Variants in ANK2 observed in about 807,000 individuals in gnomAD.
The protein encoded by ANK2 is ankyrin-2.
In ANK2, 83 loss-of-function variants were observed where a neutral mutation model predicts 360.5. The observed-to-expected ratio is 0.23, with a 90% CI of 0.19 to 0.28. ANK2 has a LOEUF of 0.28. Ranked by LOEUF, ANK2 falls within the 10% of genes least tolerant of loss-of-function variation. ANK2 has a pLI of 1.00. For synonymous variants in ANK2, 1,740 were observed against 1,759.5 expected, an observed-to-expected ratio of 0.99 and a Z score of 0.28; for missense variants, 4,201 against 4,795.7, an observed-to-expected ratio of 0.88 and a Z score of 3.66.
At chr4:113,154,052 G>GGTTAATTCAA (rs1157385026) in intron 1 of ANK2, among the ~76,000 whole-genome samples, 1 of 152,148 alleles carries the variant, frequency 6.6e-6, no homozygotes, top group African/African-American at 2.4e-5. Flanking sequence ...TTAATTCAAT[G>GGTTAATTCAA]TATTGCCAAA....
At chr4:112,809,975 A>G in the ANK2 span, among the ~76,000 whole-genome samples, 1 of 151,738 alleles carries the variant, frequency 6.6e-6, no homozygotes, top group Admixed American at 6.6e-5. Flanking sequence ...AGTATAACAA[A>G]TACCTGTATA....
At chr4:112,798,530 C>G in the ANK2 span, 1 of 152,296 alleles carries the variant, frequency 6.6e-6, no homozygotes, top group Non-Finnish European at 1.5e-5. Context: ...AGGTGATCCT[C>G]CCGCCTCGGC....
chr4:112,826,477 C>A, intron 1 of ANK2: 3 of 1,121,670 alleles, frequency 2.7e-6, no homozygotes, highest in Non-Finnish European at 4.0e-6. Context: ...TCTGTGAAAC[C>A]TTTTGTTACA....
chr4:113,000,627 A>C lies in ANK2; in HGVS notation c.21+96113A>C, dbSNP rs192650006. Among the ~76,000 whole-genome samples, 7 of 152,320 alleles carry C rather than the reference A, an allele frequency of 4.6e-5. No individual in the cohort carries two copies. In the East Asian group the frequency reaches 1.4e-3, roughly 29 times the overall value. On this transcript the variant is annotated intron_variant, in intron 2 of 30. Transcript: ENST00000503271. ...CAGTGACATAGAATGATATGAAAAA[A>C]ATTATGAGTTTAGAAAAGTTGAACA...
chr4:113,374,387 G>A (rs545342851), intron 45 of ANK2, among the ~76,000 whole-genome samples: 1 of 152,240 alleles, frequency 6.6e-6, no homozygotes, highest in South Asian at 2.1e-4. Context: ...GTTTCTCATA[G>A]CTTTTAGAGC....
intron 17 of ANK2, among the ~76,000 whole-genome samples, chr4:113,278,922 C>T (rs2061241917): frequency 6.6e-6 from 1 of 151,932 alleles, no homozygotes; most frequent in Admixed American, 6.6e-5. Context: ...TGAAAATGTC[C>T]TTTTATACTC....
At chr4:112,742,977 C>G in the ANK2 span, among the ~76,000 whole-genome samples, 1 of 152,150 alleles carries the variant, frequency 6.6e-6, no homozygotes, top group African/African-American at 2.4e-5. Flanking sequence ...CTTCTGAGAT[C>G]CGTCAGGACT....
At chr4:113,341,279 G>GA (rs2094270773) in intron 32 of ANK2, among the ~76,000 whole-genome samples, 2 of 152,088 alleles carry the variant, frequency 1.3e-5, no homozygotes, top group Admixed American at 6.5e-5. Context: ...AGGGAGGGGG[G>GA]ATCAAGGAAA....
chr4:113,341,926 C>CA lies in ANK2; in HGVS notation c.4122+15dup, dbSNP rs748448766. 4.1e-5 allele frequency: 64 copies of CA among 1,574,156 alleles called. No homozygotes were observed. The highest frequency in any genetic ancestry group is 5.2e-5 in the Non-Finnish European group (60 of 1,147,738). On this transcript the variant is annotated intron_variant, in intron 33 of 45. Coordinates refer to ENST00000357077, the MANE Select transcript of ANK2 (RefSeq NM_001148.6). ...AAGCAGGGATGTGGAGGTACTGTAC[C>CA]AAAAATAATAATAATAATTTATGCC...
intron 15 of ANK2, among the ~76,000 whole-genome samples, 172 bp downstream of exon 15, chr4:113,274,821 C>A (rs963106849): frequency 6.6e-6 from 1 of 152,046 alleles, no homozygotes; most frequent in Non-Finnish European, 1.5e-5. Flanking sequence ...TGTGAGATTC[C>A]GTATATCTTC....
chr4:113,201,610 G>T (rs1328323203), intron 4 of ANK2, among the ~76,000 whole-genome samples: 1 of 152,146 alleles, frequency 6.6e-6, no homozygotes, highest in African/African-American at 2.4e-5. Flanking sequence ...ATACATTGGT[G>T]CTGTTAAAAT....
intron 4 of ANK2, among the ~76,000 whole-genome samples, chr4:113,218,539 G>T (rs1302419817): frequency 6.6e-6 from 1 of 151,754 alleles, no homozygotes; most frequent in Non-Finnish European, 1.5e-5. Flanking sequence ...TATATCTCAG[G>T]CGATAAAAAG....
intron 1 of ANK2, among the ~76,000 whole-genome samples, chr4:112,876,694 G>A (rs541821616): frequency 1.3e-5 from 2 of 152,288 alleles, no homozygotes; most frequent in East Asian, 3.9e-4. Context: ...CCCAAGGCCT[G>A]TTACCTGGTA....
chr4:113,157,552 G>T (rs1018937610), intron 1 of ANK2, among the ~76,000 whole-genome samples: 1 of 152,184 alleles, frequency 6.6e-6, no homozygotes, highest in Non-Finnish European at 1.5e-5. Flanking sequence ...TTAAAGAAAA[G>T]AAATCTTGGT....
At chr4:113,067,140 G>GT (rs11458723) in intron 1 of ANK2, among the ~76,000 whole-genome samples, 130,092 of 151,790 alleles carry the variant, frequency 0.86, 56,052 homozygotes, top group African/African-American at 0.93. Context: ...ATGGCGAGAT[G>GT]TTTTTTTGTC....
chr4:113,354,080 G>C lies in ANK2; in HGVS notation c.5462G>C (p.Gly1821Ala). ...PSLKSERHAPGSPSPKTERHS... is the reference protein window; with the variant it reads ...PSLKSERHAPASPSPKTERHS... ...CTGAAGTCAGAGAGACATGCGCCAG[G>C]GTCTCCCTCCCCTAAAACAGAAAGA... is the stretch of plus-strand genomic sequence containing the variant. Residue 1821 changes from glycine to alanine, a missense_variant, in exon 38 of 46, where the codon GGG (glycine) becomes GCG (alanine). Transcript: ENST00000357077. The C allele has an allele frequency of 1.9e-6, 3 of 1,613,894 alleles. No homozygotes were observed. Among genetic ancestry groups the C allele is most frequent in the African/African-American group, 1.3e-5 (1 of 74,978 alleles).
intron 14 of ANK2, among the ~76,000 whole-genome samples, chr4:113,272,216 T>C (rs902877185): frequency 2.0e-5 from 3 of 152,162 alleles, no homozygotes; most frequent in Non-Finnish European, 4.4e-5. Context: ...GCTCAGCAAG[T>C]CTCCAGAGTA....
Position 113,049,689 on chromosome 4 carries a change from G to A in ANK2, c.-40G>A, listed in dbSNP as rs973992723. 4 of 1,535,954 alleles carry A rather than the reference G, an allele frequency of 2.6e-6. No homozygotes were observed. The highest frequency in any genetic ancestry group is 1.7e-5 in the Admixed American group (1 of 57,418). On this transcript the variant is annotated 5_prime_UTR_variant, in exon 1 of 46. Transcript: ENST00000357077. The stretch of plus-strand genomic sequence containing the variant: ...CGCTAGTGGTCTGTACAGGCGGCAC[G>A]GTTTGATGGCAGAGATATTTTCTTT...
At chr4:113,106,726 C>G (rs1033931379) in intron 1 of ANK2, 5 of 275,146 alleles carry the variant, frequency 1.8e-5, no homozygotes, top group Non-Finnish European at 1.4e-5. Flanking sequence ...CATTTCATCT[C>G]CAATCTAATG....
Sources: allele counts gnomAD v4.1 joint callset (sites outside exome capture counted in the v4.1 genomes callset), GRCh38; gene constraint gnomAD v4.1.1; transcripts MANE v1.5; gene names NCBI Gene and HGNC (gene_info 2026-07-23, HGNC 2026-07-21).